SLC15A5: variants seen among roughly 807,000 people sequenced by gnomAD.
SLC15A5 encodes Peptide/histidine transporter ENSP00000340402.
In SLC15A5, 58 loss-of-function variants were observed where a neutral mutation model predicts 56.1. The ratio of observed to expected loss-of-function variants is 1.03; its 90% confidence interval spans 0.84 to 1.29. The LOEUF (loss-of-function observed/expected upper bound fraction) is 1.29. SLC15A5 is among the 50% of genes most tolerant of loss of function. SLC15A5 has a pLI of 0.00. For synonymous variants in SLC15A5, 264 were observed against 250.5 expected (o/e 1.05, Z -0.51); for missense variants, 681 against 672.1 (o/e 1.01, Z -0.15).
At chr12:16,240,740 A>T (rs925920360) in intron 4 of SLC15A5, among the ~76,000 whole-genome samples, 38 of 152,278 alleles carry the variant, frequency 2.5e-4, no homozygotes, top group African/African-American at 8.9e-4. Flanking sequence ...ATGATGTCAC[A>T]TGAAAGAGGT....
intron 3 of SLC15A5, among the ~76,000 whole-genome samples, chr12:16,253,846 T>A (rs759579987): frequency 6.6e-6 from 1 of 152,152 alleles, no homozygotes; most frequent in Non-Finnish European, 1.5e-5. Flanking sequence ...TGTAAAATGG[T>A]GCAGCCATTG....
chr12:16,194,551 T>A, intron 7 of SLC15A5, 98 bp from the exon 8 acceptor site: 1 of 747,676 alleles, frequency 1.3e-6, no homozygotes, highest in Non-Finnish European at 2.0e-6. Context: ...TTCGCTTCAG[T>A]AATATCCACA....
At chr12:16,198,178 A>G (rs1304095738) in intron 7 of SLC15A5, among the ~76,000 whole-genome samples, 1 of 152,162 alleles carries the variant, frequency 6.6e-6, no homozygotes, top group African/African-American at 2.4e-5. Context: ...AATATTTAGC[A>G]TTGTTCAGAA....
chr12:16,248,963 T>C (rs1298218606), intron 3 of SLC15A5, among the ~76,000 whole-genome samples: 1 of 152,132 alleles, frequency 6.6e-6, no homozygotes, highest in African/African-American at 2.4e-5. Flanking sequence ...ACTTAAAGAT[T>C]GTAGTTATTA....
chr12:16,228,362 A>G (rs772655054), intron 5 of SLC15A5, among the ~76,000 whole-genome samples: 5 of 152,156 alleles, frequency 3.3e-5, no homozygotes, highest in African/African-American at 4.8e-5. Flanking sequence ...GCTGAAAGCA[A>G]GGTCAGAAAG....
At chr12:16,210,828 A>G (rs556443169) in intron 7 of SLC15A5, among the ~76,000 whole-genome samples, 2 of 152,318 alleles carry the variant, frequency 1.3e-5, no homozygotes, top group African/African-American at 4.8e-5. Context: ...TCCTGATGCT[A>G]TTATAAACTC....
At chr12:16,257,030 CAA>C (rs1305462588) in intron 3 of SLC15A5, among the ~76,000 whole-genome samples, 1 of 151,596 alleles carries the variant, frequency 6.6e-6, no homozygotes, top group East Asian at 1.9e-4. Context: ...AACAAAAAAA[CAA>C]ATTTCAAAAA....
chr12:16,216,784 A>G, intron 7 of SLC15A5, 109 bp downstream of exon 7: 1 of 886,602 alleles, frequency 1.1e-6, no homozygotes, highest in Non-Finnish European at 1.6e-6. Context: ...GCAAAAGTGG[A>G]TCAATTAAAA....
chr12:16,193,793 G>C (rs188445654), intron 8 of SLC15A5, among the ~76,000 whole-genome samples: 36 of 25,490 alleles, frequency 1.4e-3, no homozygotes, highest in African/African-American at 7.2e-3. Context: ...GAGAGAGAGA[G>C]AGAGAGAGAG....
chr12:16,193,804 A>C (rs963934915), intron 8 of SLC15A5, among the ~76,000 whole-genome samples: 1,289 of 43,132 alleles, frequency 0.03, 39 homozygotes, highest in Non-Finnish European at 0.052. Flanking sequence ...AGAGAGAGAG[A>C]GAGAGAGAGA....
At chr12:16,248,759 A>T (rs60194433) in intron 3 of SLC15A5, among the ~76,000 whole-genome samples, 1 of 152,028 alleles carries the variant, frequency 6.6e-6, no homozygotes, top group Non-Finnish European at 1.5e-5. Flanking sequence ...CTCAGCCTTT[A>T]AAAAAGTCCA....
chr12:16,261,163 G>C (rs1581604), intron 2 of SLC15A5, among the ~76,000 whole-genome samples: 143,357 of 152,240 alleles, frequency 0.94, 67,607 homozygotes, highest in East Asian at 0.99. Context: ...AAATAATTAC[G>C]ACATTCAAGA....
chr12:16,269,323 G>A lies in SLC15A5; in HGVS notation c.584+3238C>T, dbSNP rs1416537179. 6.6e-6 allele frequency among the ~76,000 whole-genome samples: 1 copy of A among 152,124 alleles called. No homozygotes were observed. The highest frequency in any genetic ancestry group is 1.9e-4 in the East Asian group (1 of 5,184). On this transcript the variant is annotated intron_variant, in intron 2 of 8. Coordinates refer to ENST00000344941, the MANE Select transcript of SLC15A5 (RefSeq NM_001170798.1). This position sits in a 1 kb window ranked among gnomAD's most constrained non-coding sequence, Gnocchi z 4.7. ...TAATTAAAATGAGCAACACTGCGTT[G>A]GAACAGTGGTTCTCAACTCTAACTG...
intron 8 of SLC15A5, among the ~76,000 whole-genome samples, chr12:16,190,754 G>A (rs1305572495): frequency 6.6e-6 from 1 of 152,078 alleles, no homozygotes; most frequent in African/African-American, 2.4e-5. Flanking sequence ...AACTGTAACT[G>A]TAACTCTAAG....
chr12:16,254,721 C>G (rs1373772170), intron 3 of SLC15A5, among the ~76,000 whole-genome samples: 1 of 152,034 alleles, frequency 6.6e-6, no homozygotes, highest in Non-Finnish European at 1.5e-5. Context: ...AACTGCAAGA[C>G]ATTATGTTAA....
chr12:16,250,592 A>G (rs964344632), intron 3 of SLC15A5, among the ~76,000 whole-genome samples: 1 of 152,162 alleles, frequency 6.6e-6, no homozygotes, highest in Non-Finnish European at 1.5e-5. Context: ...AGTGCAAGCG[A>G]AAGTACGCAA....
rs1864345992 is a variant in SLC15A5 at position 16,235,627 on chromosome 12, A to G, written c.1162+4054T>C. On this transcript the variant is annotated intron_variant, in intron 5 of 8. Transcript: ENST00000344941. This position sits in a 1 kb window ranked among gnomAD's most constrained non-coding sequence, Gnocchi z 4.1. ...ACCGAATGAATGACTTATTCAGGCT[A>G]GATGTTTACAATTCATGGTTTACTT... Among the ~76,000 whole-genome samples the G allele has an allele frequency of 6.6e-6, 1 of 152,130 alleles. No homozygotes were observed. Among genetic ancestry groups the G allele is most frequent in the Non-Finnish European group, 1.5e-5 (1 of 67,976 alleles).
chr12:16,274,973 A>G (rs938549320), intron 1 of SLC15A5, among the ~76,000 whole-genome samples: 11 of 152,160 alleles, frequency 7.2e-5, no homozygotes, highest in African/African-American at 2.6e-4. Context: ...TGTGTATCTC[A>G]TCATCAGTAT....
chr12:16,210,965 A>G (rs1442444058), intron 7 of SLC15A5, among the ~76,000 whole-genome samples: 3 of 152,364 alleles, frequency 2.0e-5, no homozygotes, highest in African/African-American at 7.2e-5. Flanking sequence ...ACTGAGGACC[A>G]TGAGCAGGGT....
Sources: gnomAD v4.1 joint callset for allele counts (sites outside exome capture counted in the v4.1 genomes callset) on GRCh38, gnomAD v4.1.1 for gene constraint, Gnocchi (gnomAD v3.1) non-coding constraint, MANE v1.5 for transcripts, NCBI Gene and HGNC (gene_info 2026-07-23, HGNC 2026-07-21) for gene names.